Variants in KRABD5 observed in about 807,000 individuals in gnomAD.
The protein encoded by KRABD5 is KRAB domain containing 5.
the KRABD5 span, among the ~76,000 whole-genome samples, chr16:31,717,834 G>T: frequency 1.3e-5 from 2 of 152,110 alleles, no homozygotes; most frequent in Non-Finnish European, 2.9e-5. Flanking sequence ...ACCCACATTT[G>T]TGCAGCAAAG....
At chr16:31,754,496 G>A in the KRABD5 span, 1 of 629,866 alleles carries the variant, frequency 1.6e-6, no homozygotes. Context: ...ATTAAGCCAA[G>A]GCATAAGCCC....
chr16:31,727,405 T>C, the KRABD5 span, among the ~76,000 whole-genome samples: 8 of 152,236 alleles, frequency 5.3e-5, no homozygotes, highest in East Asian at 1.3e-3. Flanking sequence ...TTTATTGAGC[T>C]GGCAGTGTTG....
chr16:31,756,217 AT>A, the KRABD5 span: 1 of 152,248 alleles, frequency 6.6e-6, no homozygotes, highest in Non-Finnish European at 1.5e-5. Context: ...TTAATGGCAA[AT>A]GTAAAATACA....
chr16:31,735,505 A>G, the KRABD5 span, among the ~76,000 whole-genome samples: 1 of 152,206 alleles, frequency 6.6e-6, no homozygotes, highest in Non-Finnish European at 1.5e-5. Flanking sequence ...TATAGTGGCC[A>G]TACTACTTTA....
chr16:31,753,769 T>G, the KRABD5 span: 1 of 1,481,080 alleles, frequency 6.8e-7, no homozygotes, highest in Non-Finnish European at 9.0e-7. Flanking sequence ...CTTTCAGATA[T>G]CTTTTCTCAT....
the KRABD5 span, among the ~76,000 whole-genome samples, chr16:31,735,531 T>C: frequency 6.6e-6 from 1 of 152,178 alleles, no homozygotes; most frequent in East Asian, 1.9e-4. Context: ...CCATCAACAG[T>C]ATATATGTGT....
chr16:31,737,629 A>C, the KRABD5 span, among the ~76,000 whole-genome samples: 4 of 152,162 alleles, frequency 2.6e-5, no homozygotes, highest in African/African-American at 9.6e-5. Context: ...TACTATATAC[A>C]TGAGTGTTTA....
chr16:31,742,365 G>A, the KRABD5 span, among the ~76,000 whole-genome samples: 2 of 152,112 alleles, frequency 1.3e-5, no homozygotes, highest in Non-Finnish European at 2.9e-5. Context: ...CTGTGTCCAT[G>A]TGTTCTCATT....
At chr16:31,746,900 G>A in the KRABD5 span, among the ~76,000 whole-genome samples, 1 of 151,554 alleles carries the variant, frequency 6.6e-6, no homozygotes, top group African/African-American at 2.4e-5. Context: ...CTTCTGCCTG[G>A]TTCGTTTGGC....
At chr16:31,748,167 A>G in the KRABD5 span, among the ~76,000 whole-genome samples, 1 of 152,138 alleles carries the variant, frequency 6.6e-6, no homozygotes, top group South Asian at 2.1e-4. Flanking sequence ...TAATTTTTGT[A>G]TAAGGTGTAA....
the KRABD5 span, among the ~76,000 whole-genome samples, chr16:31,722,434 G>A: frequency 1.3e-5 from 2 of 152,232 alleles, no homozygotes; most frequent in Admixed American, 1.3e-4. Flanking sequence ...TGTGGATTTT[G>A]TATCATTCTC....
chr16:31,740,957 T>C, the KRABD5 span, among the ~76,000 whole-genome samples: 1 of 152,194 alleles, frequency 6.6e-6, no homozygotes, highest in Admixed American at 6.5e-5. Flanking sequence ...TAGATAGTTT[T>C]TCAGCCCTTG....
chr16:31,716,819 TA>T, the KRABD5 span, among the ~76,000 whole-genome samples: 2 of 152,196 alleles, frequency 1.3e-5, no homozygotes, highest in Non-Finnish European at 2.9e-5. Flanking sequence ...AAATACAAAT[TA>T]AAAATATGAG....
chr16:31,747,954 G>C, the KRABD5 span, among the ~76,000 whole-genome samples: 3 of 152,164 alleles, frequency 2.0e-5, no homozygotes, highest in Admixed American at 2.0e-4. Flanking sequence ...TCTTCCCTCC[G>C]ATGGTAGTTT....
chr16:31,733,385 G>A, the KRABD5 span: 1 of 398,066 alleles, frequency 2.5e-6, no homozygotes, highest in South Asian at 1.8e-5. Flanking sequence ...ATCTCTTTTA[G>A]GTAGTCACAT....
At chr16:31,716,473 C>T in the KRABD5 span, among the ~76,000 whole-genome samples, 1 of 152,092 alleles carries the variant, frequency 6.6e-6, no homozygotes, top group African/African-American at 2.4e-5. Flanking sequence ...TCCCTGGGCT[C>T]AGGTGATCCT....
the KRABD5 span, among the ~76,000 whole-genome samples, chr16:31,752,158 T>C: frequency 6.6e-6 from 1 of 152,218 alleles, no homozygotes; most frequent in Non-Finnish European, 1.5e-5. Flanking sequence ...TTATTGAGAC[T>C]TGCTTTCTGG....
chr16:31,743,009 G>GT, the KRABD5 span, among the ~76,000 whole-genome samples: 1 of 151,980 alleles, frequency 6.6e-6, no homozygotes, highest in Non-Finnish European at 1.5e-5. Context: ...TGATGAGGTT[G>GT]TTTTTTTCTT....
the KRABD5 span, among the ~76,000 whole-genome samples, chr16:31,748,137 G>A: frequency 1.3e-5 from 2 of 152,082 alleles, no homozygotes; most frequent in African/African-American, 4.8e-5. Context: ...TAACATGTAA[G>A]TCTTTAATCC....
Sources: allele counts gnomAD v4.1 joint callset (sites outside exome capture counted in the v4.1 genomes callset), GRCh38; gene constraint gnomAD v4.1.1; transcripts MANE v1.5; gene names NCBI Gene and HGNC (gene_info 2026-07-23, HGNC 2026-07-21).